DYRK1A: variants seen among roughly 807,000 people sequenced by gnomAD.
The protein encoded by DYRK1A is dual specificity tyrosine-phosphorylation-regulated kinase 1A.
A neutral mutation model predicts 79.7 loss-of-function variants in DYRK1A; 9 were observed. The ratio of observed to expected loss-of-function variants is 0.11; its 90% confidence interval spans 0.07 to 0.20. The LOEUF (loss-of-function observed/expected upper bound fraction) is 0.20, where lower values mean the gene tolerates loss of function less well. Ranked by LOEUF, DYRK1A falls within the 10% of genes least tolerant of loss-of-function variation. The pLI, the probability that DYRK1A is intolerant of heterozygous loss-of-function variation, is 1.00. For synonymous variants in DYRK1A, 349 were observed against 329.7 expected, an observed-to-expected ratio of 1.06 and a Z score of -0.63; for missense variants, 622 against 956.0, an observed-to-expected ratio of 0.65 and a Z score of 4.61.
chr21:37,457,798 C>G (rs991618211), intron 2 of DYRK1A, among the ~76,000 whole-genome samples: 1 of 144,892 alleles, frequency 6.9e-6, no homozygotes, highest in African/African-American at 2.9e-5. Flanking sequence ...GTATGCTTCT[C>G]CCCTTTTCTC....
chr21:37,368,099 C>CGGCGG, intron 1 of DYRK1A: 1 of 143,068 alleles, frequency 7.0e-6, no homozygotes, highest in Non-Finnish European at 1.6e-5. Context: ...TGGGCGAGGA[C>CGGCGG]GGCGGGGCCG....
intron 6 of DYRK1A, among the ~76,000 whole-genome samples, chr21:37,489,047 C>T (rs764224293): frequency 2.0e-5 from 3 of 152,052 alleles, no homozygotes; most frequent in Non-Finnish European, 4.4e-5. Context: ...TTTAGATCAC[C>T]TATACCATGA....
rs774257220 is a variant in DYRK1A at position 37,505,369 on chromosome 21, A to G, written c.1299A>G (p.Ser433=). The part of the protein sequence containing the change: ...GGPGGRRAGE[S]GHTVADYLKF... ...CTGGTGGGCGACGTGCTGGGGAGTC[A>G]GGTCATACGGTCGCTGACTACTTGA... The change falls in exon 10 of 12, where the codon TCA becomes TCG. Residue 433 remains serine (S), a synonymous_variant. Coordinates refer to ENST00000647188, the MANE Select transcript of DYRK1A (RefSeq NM_001347721.2). 6.2e-7 allele frequency: 1 copy of G among 1,614,194 alleles called. No homozygotes were observed. The highest frequency in any genetic ancestry group is 2.2e-5 in the East Asian group (1 of 44,888).
intron 1 of DYRK1A, 93 bp downstream of exon 1, chr21:37,367,721 G>C (rs1209619783): frequency 1.4e-5 from 2 of 147,968 alleles, no homozygotes; most frequent in Non-Finnish European, 3.0e-5. Context: ...CGGCCGGGCG[G>C]AGGGAGGGAC....
chr21:37,428,062 T>C (rs1164828960), intron 2 of DYRK1A, among the ~76,000 whole-genome samples: 1 of 152,170 alleles, frequency 6.6e-6, no homozygotes, highest in East Asian at 1.9e-4. Flanking sequence ...GGTACTGTGA[T>C]TGACCCAGAC....
chr21:37,454,084 CCTTT>C (rs1439037587), intron 2 of DYRK1A, among the ~76,000 whole-genome samples: 5 of 72,464 alleles, frequency 6.9e-5, no homozygotes, highest in Non-Finnish European at 1.3e-4. Context: ...GATGTAGTCT[CCTTT>C]TTTTTTTTTT....
At chr21:37,386,889 C>A (rs920457730) in intron 1 of DYRK1A, among the ~76,000 whole-genome samples, 3 of 152,184 alleles carry the variant, frequency 2.0e-5, no homozygotes, top group African/African-American at 7.2e-5. Context: ...TTTCTTGTAG[C>A]TGGATAAGAA....
rs528506821 is a variant in DYRK1A, at chr21:37,495,071, C to T, written c.1072-1047C>T. ...TATTTTCTACCACTGAATATGGTTC[C>T]TAGCATATAATAGGCACACTCATTT... On this transcript the variant is annotated intron_variant, in intron 8 of 11. Coordinates refer to ENST00000647188, the MANE Select transcript of DYRK1A (RefSeq NM_001347721.2). 8.8e-4 allele frequency among the ~76,000 whole-genome samples: 134 copies of T among 151,532 alleles called. 1 individual carries two copies. The highest frequency in any genetic ancestry group is 2.9e-3 in the South Asian group (14 of 4,798).
intron 1 of DYRK1A, among the ~76,000 whole-genome samples, chr21:37,377,425 T>C (rs1175619424): frequency 6.6e-6 from 1 of 152,084 alleles, no homozygotes; most frequent in East Asian, 1.9e-4. Flanking sequence ...CGCATTTTTT[T>C]TTACTTGACC....
intron 6 of DYRK1A, chr21:37,488,409 G>A (rs937920935): frequency 5.4e-6 from 4 of 735,154 alleles, no homozygotes; most frequent in Non-Finnish European, 6.6e-6. Flanking sequence ...TGATTGATGA[G>A]TCTGATTTAT....
At chr21:37,397,960 G>T (rs575395681) in intron 1 of DYRK1A, among the ~76,000 whole-genome samples, 1 of 151,648 alleles carries the variant, frequency 6.6e-6, no homozygotes. Context: ...GTAAAAGACT[G>T]GGCACAGTGG....
At chr21:37,479,589 G>GTTT (rs1569361929) in intron 4 of DYRK1A, among the ~76,000 whole-genome samples, 13 of 74,392 alleles carry the variant, frequency 1.7e-4, no homozygotes, top group African/African-American at 6.7e-4. Context: ...CAGTGTTGGT[G>GTTT]TTTTGTTTTT....
At chr21:37,473,880 T>C (rs1421233982) in intron 3 of DYRK1A, among the ~76,000 whole-genome samples, 4 of 152,220 alleles carry the variant, frequency 2.6e-5, no homozygotes, top group Non-Finnish European at 4.4e-5. Context: ...TGTTTGAGAA[T>C]TGGGACAGTT....
intron 2 of DYRK1A, among the ~76,000 whole-genome samples, chr21:37,462,751 C>T (rs2051884778): frequency 6.6e-6 from 1 of 152,130 alleles, no homozygotes. Context: ...TGTTTGGGCT[C>T]CCCCTTCCTA....
Position 37,506,106 on chromosome 21 carries a change from A to T in DYRK1A, c.1527A>T (p.Ser509=), listed in dbSNP as rs1569398234. The T allele has an allele frequency of 6.2e-7, 1 of 1,611,062 alleles. No homozygotes were observed. The highest frequency in any genetic ancestry group is 8.5e-7 in the Non-Finnish European group (1 of 1,177,560). The part of the protein sequence containing the change: ...TSSTSSSSGG[S]SGTSNSGRAR... Reference sequence around the variant, plus strand: ...TGTGTTGTGATATTTCAGGTGGCTCATCGGGGACAAGCAACAGTGGGAGAG... The same window carrying T: ...TGTGTTGTGATATTTCAGGTGGCTCTTCGGGGACAAGCAACAGTGGGAGAG... Residue 509 remains serine, a synonymous_variant, in exon 11 of 12, where the codon TCA becomes TCT. Coordinates refer to ENST00000647188, the MANE Select transcript of DYRK1A (RefSeq NM_001347721.2).
At chr21:37,488,363 T>G (rs2052950584) in intron 6 of DYRK1A, 5 of 913,264 alleles carry the variant, frequency 5.5e-6, no homozygotes, top group Non-Finnish European at 6.5e-6. Flanking sequence ...TATCCGAAAG[T>G]CATATTGATT....
intron 1 of DYRK1A, among the ~76,000 whole-genome samples, chr21:37,376,757 A>G (rs745779253): frequency 5.3e-5 from 8 of 152,148 alleles, no homozygotes; most frequent in Admixed American, 3.3e-4. Flanking sequence ...GTTATCAAAC[A>G]TATAAGGTAC....
At chr21:37,429,826 G>C (rs956935958) in intron 2 of DYRK1A, among the ~76,000 whole-genome samples, 1 of 152,196 alleles carries the variant, frequency 6.6e-6, no homozygotes, top group Non-Finnish European at 1.5e-5. Flanking sequence ...CGAAATGTCA[G>C]TTTTCCTTTT....
intron 8 of DYRK1A, 103 bp from the exon 9 acceptor site, chr21:37,496,015 A>T: frequency 8.9e-7 from 1 of 1,123,334 alleles, no homozygotes. Flanking sequence ...GGAGTGCCAG[A>T]CACACAGGAG....
Sources: allele counts gnomAD v4.1 joint callset (sites outside exome capture counted in the v4.1 genomes callset), GRCh38; gene constraint gnomAD v4.1.1; transcripts MANE v1.5; gene names NCBI Gene and HGNC (gene_info 2026-07-23, HGNC 2026-07-21).